The following CNTNAP5 variants were observed in gnomAD, a reference collection of about 807,000 sequenced individuals.
CNTNAP5 encodes the protein contactin-associated protein-like 5.
Under a neutral mutation model 150.2 loss-of-function variants are expected in CNTNAP5, and 72 were observed. The observed-to-expected ratio is 0.48, with a 90% CI of 0.40 to 0.58. The LOEUF is 0.58. Ranked by LOEUF, CNTNAP5 falls within the 20% of genes least tolerant of loss-of-function variation. The pLI, the probability that CNTNAP5 is intolerant of heterozygous loss-of-function variation, is 0.00. For synonymous variants in CNTNAP5, 672 were observed against 619.8 expected (o/e 1.08, Z -1.25); for missense variants, 1,636 against 1,626.2 (o/e 1.01, Z -0.10).
intron 1 of CNTNAP5, among the ~76,000 whole-genome samples, chr2:124,104,490 T>G (rs1245128171): frequency 6.6e-6 from 1 of 152,206 alleles, no homozygotes; most frequent in Admixed American, 6.5e-5. Context: ...CACTCCATAT[T>G]CTGCCTCATT....
chr2:124,659,140 TAA>T (rs1678520795), intron 13 of CNTNAP5, among the ~76,000 whole-genome samples: 1 of 152,258 alleles, frequency 6.6e-6, no homozygotes, highest in Non-Finnish European at 1.5e-5. Context: ...ATTGGAAGAA[TAA>T]AAAGTGTTTG....
At chr2:124,795,709 G>A (rs942203164) in intron 18 of CNTNAP5, among the ~76,000 whole-genome samples, 2 of 152,072 alleles carry the variant, frequency 1.3e-5, no homozygotes, top group Admixed American at 1.3e-4. Context: ...GTAGAAATGG[G>A]GTTTTGCCAT....
chr2:124,105,852 C>T (rs1683160554), intron 1 of CNTNAP5, among the ~76,000 whole-genome samples: 1 of 152,074 alleles, frequency 6.6e-6, no homozygotes, highest in Non-Finnish European at 1.5e-5. Context: ...CATATTGATG[C>T]TTTCCTAGTG....
Position 124,633,468 on chromosome 2 carries a change from G to A in CNTNAP5, c.1877-14290G>A, listed in dbSNP as rs183412556. ...CATGTCTCACCTCCAGAGCACATTG[G>A]TGCAAGGGGCTAGCTCCCAAGGCTT... On this transcript the variant is annotated intron_variant, in intron 12 of 23. Transcript: ENST00000682447. Among the ~76,000 whole-genome samples the A allele has an allele frequency of 4.4e-3, 674 of 152,312 alleles. 6 individuals carry two copies. Among genetic ancestry groups the A allele is most frequent in the Non-Finnish European group, 7.6e-3 (520 of 68,030 alleles).
At chr2:124,752,092 G>T (rs530687852) in intron 14 of CNTNAP5, among the ~76,000 whole-genome samples, 2 of 152,086 alleles carry the variant, frequency 1.3e-5, no homozygotes, top group Non-Finnish European at 2.9e-5. Context: ...CAGTAAGGAT[G>T]CTAGAGAGAA....
intron 13 of CNTNAP5, among the ~76,000 whole-genome samples, chr2:124,709,058 A>T (rs757544042): frequency 4.6e-5 from 7 of 152,154 alleles, no homozygotes; most frequent in Admixed American, 1.3e-4. Context: ...TGCAGTGGGC[A>T]GTATCTAGCA....
chr2:124,139,835 C>T (rs1684065183), intron 1 of CNTNAP5, among the ~76,000 whole-genome samples: 2 of 152,258 alleles, frequency 1.3e-5, no homozygotes, highest in Admixed American at 6.5e-5. Flanking sequence ...CCAGCGTGAG[C>T]GACGCAGAAG....
At chr2:124,784,995 C>A (rs1573615001) in intron 17 of CNTNAP5, among the ~76,000 whole-genome samples, 2 of 130,984 alleles carry the variant, frequency 1.5e-5, no homozygotes, top group African/African-American at 2.8e-5. Flanking sequence ...TTTTTAGAAC[C>A]AGAGGCATTG....
chr2:124,091,811 G>T (rs1025070350), intron 1 of CNTNAP5, among the ~76,000 whole-genome samples: 2 of 152,148 alleles, frequency 1.3e-5, no homozygotes, highest in African/African-American at 4.8e-5. Flanking sequence ...AGATTCTTAG[G>T]TAAAAACGGC....
At chr2:124,874,806 C>T (rs1350028181) in intron 21 of CNTNAP5, among the ~76,000 whole-genome samples, 2 of 152,002 alleles carry the variant, frequency 1.3e-5, no homozygotes, top group Admixed American at 6.6e-5. Context: ...AATTTGCACT[C>T]ATGGCATGCT....
At chr2:124,723,309 T>A (rs543306031) in intron 13 of CNTNAP5, among the ~76,000 whole-genome samples, 1 of 152,330 alleles carries the variant, frequency 6.6e-6, no homozygotes, top group East Asian at 1.9e-4. Flanking sequence ...CTCTTTTTTT[T>A]ACTTTTATAA....
chr2:124,795,916 T>C (rs1272206028), intron 18 of CNTNAP5, among the ~76,000 whole-genome samples: 2 of 152,156 alleles, frequency 1.3e-5, no homozygotes, highest in East Asian at 3.9e-4. Context: ...TTGTTGATAG[T>C]GGCTCGGTGG....
intron 1 of CNTNAP5, among the ~76,000 whole-genome samples, chr2:124,156,047 T>C (rs192186347): frequency 1.3e-5 from 2 of 152,322 alleles, no homozygotes; most frequent in African/African-American, 4.8e-5. Context: ...TAAAAAAGGG[T>C]TCAGGGTGAG....
intron 13 of CNTNAP5, among the ~76,000 whole-genome samples, chr2:124,693,500 T>C (rs1299108659): frequency 3.3e-5 from 5 of 152,126 alleles, no homozygotes; most frequent in African/African-American, 4.8e-5. Flanking sequence ...CCTACTGGGA[T>C]AGAGGGCTAG....
intron 7 of CNTNAP5, among the ~76,000 whole-genome samples, chr2:124,498,770 A>G (rs1390948734): frequency 6.6e-6 from 1 of 152,194 alleles, no homozygotes; most frequent in Non-Finnish European, 1.5e-5. Flanking sequence ...TTCAAAGAAA[A>G]AGTCTTCTAA....
intron 13 of CNTNAP5, among the ~76,000 whole-genome samples, chr2:124,664,644 C>A (rs1041694569): frequency 6.6e-6 from 1 of 152,114 alleles, no homozygotes; most frequent in Non-Finnish European, 1.5e-5. Context: ...AGCACATTGC[C>A]CTGAATGAAA....
At chr2:124,198,863 TTC>T (rs1255714672) in intron 1 of CNTNAP5, among the ~76,000 whole-genome samples, 3 of 124,882 alleles carry the variant, frequency 2.4e-5, no homozygotes, top group Non-Finnish European at 5.2e-5. Context: ...GCCACATGAT[TTC>T]TTTTTTTTTT....
chr2:124,223,396 C>T (rs1686376515), intron 2 of CNTNAP5, among the ~76,000 whole-genome samples: 1 of 152,094 alleles, frequency 6.6e-6, no homozygotes, highest in African/African-American at 2.4e-5. Flanking sequence ...TGTAAAGTGG[C>T]CCAGGAATGT....
At chr2:124,662,821 A>T (rs948461501) in intron 13 of CNTNAP5, among the ~76,000 whole-genome samples, 3 of 152,210 alleles carry the variant, frequency 2.0e-5, no homozygotes, top group African/African-American at 7.2e-5. Context: ...ATGTCAAATA[A>T]ACTCTTACCT....
Sources: gnomAD v4.1 joint callset for allele counts (sites outside exome capture counted in the v4.1 genomes callset) on GRCh38, gnomAD v4.1.1 for gene constraint, MANE v1.5 for transcripts, NCBI Gene and HGNC (gene_info 2026-07-23, HGNC 2026-07-21) for gene names.